ARB2A: variants seen among roughly 807,000 people sequenced by gnomAD.
ARB2A encodes ARB2 cotranscriptional regulator A.
chr5:93,807,733 A>G, the ARB2A span, among the ~76,000 whole-genome samples: 1 of 152,176 alleles, frequency 6.6e-6, no homozygotes, highest in East Asian at 1.9e-4. Context: ...TAACTGGCAT[A>G]TACTCTAGCA....
the ARB2A span, among the ~76,000 whole-genome samples, chr5:93,804,000 G>C: frequency 0.088 from 13,391 of 151,936 alleles, 789 homozygotes; most frequent in Middle Eastern, 0.17. Context: ...AATGGAAAAG[G>C]TTTGTAACCC....
the ARB2A span, among the ~76,000 whole-genome samples, chr5:93,691,441 A>C: frequency 6.6e-6 from 1 of 152,168 alleles, no homozygotes; most frequent in African/African-American, 2.4e-5. Flanking sequence ...ATTGAACATC[A>C]ACTTAACGAA....
chr5:94,014,189 C>T, the ARB2A span, among the ~76,000 whole-genome samples: 1 of 152,186 alleles, frequency 6.6e-6, no homozygotes, highest in Non-Finnish European at 1.5e-5. Context: ...GGTAGTTCAT[C>T]AGTATCACAC....
the ARB2A span, among the ~76,000 whole-genome samples, chr5:94,067,665 A>C: frequency 6.6e-6 from 1 of 152,170 alleles, no homozygotes; most frequent in African/African-American, 2.4e-5. Context: ...CATTAATGAG[A>C]GAAATTGAAG....
chr5:93,959,589 T>C, the ARB2A span, among the ~76,000 whole-genome samples: 1 of 152,136 alleles, frequency 6.6e-6, no homozygotes, highest in Admixed American at 6.6e-5. Flanking sequence ...TAACCATCTA[T>C]TCTATTCTTA....
At chr5:93,683,517 C>T in the ARB2A span, 22 of 1,553,914 alleles carry the variant, frequency 1.4e-5, no homozygotes, top group East Asian at 2.5e-4. Flanking sequence ...GGACTGCCTT[C>T]GTAATTCATG....
At chr5:93,947,069 T>G in the ARB2A span, among the ~76,000 whole-genome samples, 1 of 152,166 alleles carries the variant, frequency 6.6e-6, no homozygotes, top group South Asian at 2.1e-4. Context: ...AATTTACTAA[T>G]TCTCTTTTGA....
At chr5:93,732,138 T>C in the ARB2A span, among the ~76,000 whole-genome samples, 1 of 152,182 alleles carries the variant, frequency 6.6e-6, no homozygotes, top group Non-Finnish European at 1.5e-5. Flanking sequence ...CTGTCATGTT[T>C]CTGTTCACTG....
At chr5:93,814,957 C>T in the ARB2A span, among the ~76,000 whole-genome samples, 4 of 152,162 alleles carry the variant, frequency 2.6e-5, no homozygotes, top group Non-Finnish European at 4.4e-5. Flanking sequence ...CCTGCCTCAG[C>T]CTCCCGAATA....
the ARB2A span, chr5:93,733,412 G>A: frequency 6.6e-6 from 1 of 151,978 alleles, no homozygotes; most frequent in Non-Finnish European, 1.5e-5. Context: ...TGTAGACCAG[G>A]ATGGTCTTGA....
chr5:93,881,672 A>AT, the ARB2A span: 1 of 1,568,084 alleles, frequency 6.4e-7, no homozygotes, highest in Non-Finnish European at 8.6e-7. Flanking sequence ...ATTTAGTACT[A>AT]TTACTCCATA....
chr5:93,853,363 A>T, the ARB2A span, among the ~76,000 whole-genome samples: 1 of 152,202 alleles, frequency 6.6e-6, no homozygotes, highest in Admixed American at 6.5e-5. Context: ...TTGGGCTGAG[A>T]CAATGGAGTT....
At chr5:93,668,635 T>A in the ARB2A span, among the ~76,000 whole-genome samples, 3 of 151,700 alleles carry the variant, frequency 2.0e-5, no homozygotes, top group South Asian at 6.2e-4. Flanking sequence ...GCATTTAAGA[T>A]GGTATTTGTT....
At chr5:93,712,680 T>C in the ARB2A span, among the ~76,000 whole-genome samples, 1 of 151,970 alleles carries the variant, frequency 6.6e-6, no homozygotes, top group African/African-American at 2.4e-5. Context: ...AGAAAAGAAT[T>C]CCACTCAAGA....
the ARB2A span, among the ~76,000 whole-genome samples, chr5:94,016,780 T>C: frequency 2.0e-5 from 3 of 152,312 alleles, no homozygotes; most frequent in East Asian, 1.9e-4. Flanking sequence ...CTTCTCCTTA[T>C]GGGTTTTACA....
the ARB2A span, among the ~76,000 whole-genome samples, chr5:94,082,674 G>A: frequency 4.6e-5 from 7 of 151,998 alleles, no homozygotes; most frequent in Admixed American, 4.6e-4. Flanking sequence ...AAGTGGGAAT[G>A]TAATTTAAGT....
chr5:93,740,828 A>G, the ARB2A span: 1 of 1,613,816 alleles, frequency 6.2e-7, no homozygotes, highest in Middle Eastern at 1.6e-4. Context: ...AGCTGGAGGC[A>G]CCCAGCAATG....
At chr5:93,950,884 C>T in the ARB2A span, among the ~76,000 whole-genome samples, 1 of 147,182 alleles carries the variant, frequency 6.8e-6, no homozygotes, top group African/African-American at 2.5e-5. Flanking sequence ...GTGGAGGCTG[C>T]AGCGAGATTA....
chr5:93,916,693 T>C, the ARB2A span, among the ~76,000 whole-genome samples: 1 of 152,058 alleles, frequency 6.6e-6, no homozygotes, highest in Non-Finnish European at 1.5e-5. Context: ...CAGAACCCCC[T>C]AAACTATGTA....
Sources: allele counts gnomAD v4.1 joint callset (sites outside exome capture counted in the v4.1 genomes callset), GRCh38; gene constraint gnomAD v4.1.1; transcripts MANE v1.5; gene names NCBI Gene and HGNC (gene_info 2026-07-23, HGNC 2026-07-21).